The following SDK1 variants were observed in gnomAD, a reference collection of about 807,000 sequenced individuals.
SDK1 encodes protein sidekick-1.
SDK1 carries 157 observed loss-of-function variants against 245.5 expected under a neutral mutation model. The observed-to-expected ratio is 0.64, with a 90% CI of 0.56 to 0.73. SDK1 has a LOEUF of 0.73. SDK1 is among the 30% of genes least tolerant of loss of function. SDK1 has a pLI of 0.00. For missense variants in SDK1, 3,583 were observed against 3,002.3 expected (o/e 1.19, Z -4.52); for synonymous variants, 1,647 against 1,278.5 (o/e 1.29, Z -6.15).
intron 4 of SDK1, among the ~76,000 whole-genome samples, chr7:3,649,112 C>CA (rs1782932428): frequency 6.6e-6 from 1 of 152,100 alleles, no homozygotes; most frequent in African/African-American, 2.4e-5. Flanking sequence ...GTGTGCCCCT[C>CA]AGTGGGTGTG....
At position 4,221,358 on chromosome 7, in the gene SDK1, C is replaced by T; in HGVS notation, c.5821C>T (p.Pro1941Ser). The change falls in exon 40 of 45, where the codon CCC (proline) becomes TCC (serine). Residue 1941 changes from proline to serine, a missense_variant. Transcript: ENST00000404826. ...CACGGGCTATGTGATCGAGGCCCGGCCCTCAGGTAGGGTGGCAGGCCCCAC... is the reference window on the plus strand; with the variant it reads ...CACGGGCTATGTGATCGAGGCCCGGTCCTCAGGTAGGGTGGCAGGCCCCAC... The part of the protein sequence containing the change: ...PTTGYVIEAR[P>S]SDEGLWDMFV... 1 of 1,607,040 alleles carries T rather than the reference C, an allele frequency of 6.2e-7. No individual in the cohort carries two copies. The highest frequency in any genetic ancestry group is 8.5e-7 in the Non-Finnish European group (1 of 1,177,130).
At chr7:4,145,644 C>A (rs1226191958) in intron 28 of SDK1, 78 bp from the exon 29 acceptor site, 1 of 1,318,806 alleles carries the variant, frequency 7.6e-7, no homozygotes, top group Non-Finnish European at 1.1e-6. Flanking sequence ...CAGGGGTCAG[C>A]ACAGGGTGTG....
At chr7:3,686,577 T>C (rs1009163759) in intron 4 of SDK1, among the ~76,000 whole-genome samples, 1 of 152,130 alleles carries the variant, frequency 6.6e-6, no homozygotes, top group Non-Finnish European at 1.5e-5. Flanking sequence ...AATTTGGCAG[T>C]TTTTCATAAA....
At chr7:3,346,829 T>A (rs200192550) in intron 1 of SDK1, among the ~76,000 whole-genome samples, 590 of 71,504 alleles carry the variant, frequency 8.3e-3, no homozygotes, top group African/African-American at 0.013. Context: ...ATATATATAT[T>A]TTTTTTTTTT....
intron 1 of SDK1, among the ~76,000 whole-genome samples, chr7:3,359,684 G>A (rs545183715): frequency 1.3e-5 from 2 of 152,242 alleles, no homozygotes; most frequent in South Asian, 2.1e-4. Flanking sequence ...CGGGTGGCGC[G>A]CTGTGAGGAT....
chr7:3,900,399 T>C (rs1781746582), intron 5 of SDK1, among the ~76,000 whole-genome samples: 1 of 152,220 alleles, frequency 6.6e-6, no homozygotes, highest in African/African-American at 2.4e-5. Context: ...ATCTGGTTTT[T>C]CATCCCCAGG....
chr7:3,542,537 A>G (rs978999598), intron 1 of SDK1, among the ~76,000 whole-genome samples: 1 of 152,214 alleles, frequency 6.6e-6, no homozygotes, highest in African/African-American at 2.4e-5. Flanking sequence ...TGCCTGGCCT[A>G]TGGTAGGTTA....
chr7:3,898,226 G>C (rs1203187243), intron 5 of SDK1, among the ~76,000 whole-genome samples: 1 of 152,164 alleles, frequency 6.6e-6, no homozygotes, highest in Non-Finnish European at 1.5e-5. Flanking sequence ...AATCTGGAAA[G>C]TCTTCATTGT....
chr7:3,574,556 C>G (rs1056973037), intron 1 of SDK1, among the ~76,000 whole-genome samples: 3 of 152,056 alleles, frequency 2.0e-5, no homozygotes, highest in Admixed American at 6.6e-5. Context: ...CTCCTGGCCT[C>G]CCCACTATGC....
At chr7:3,560,579 G>T (rs1779716987) in intron 1 of SDK1, among the ~76,000 whole-genome samples, 1 of 152,120 alleles carries the variant, frequency 6.6e-6, no homozygotes, top group Non-Finnish European at 1.5e-5. Context: ...TGGGTTTTTA[G>T]CTGGCCTGTG....
intron 4 of SDK1, among the ~76,000 whole-genome samples, chr7:3,710,863 G>A (rs1218209400): frequency 6.6e-6 from 1 of 152,158 alleles, no homozygotes; most frequent in African/African-American, 2.4e-5. Flanking sequence ...TATATTGAAT[G>A]TTGCATCATT....
At chr7:3,533,920 C>G (rs1031927085) in intron 1 of SDK1, among the ~76,000 whole-genome samples, 3 of 149,308 alleles carry the variant, frequency 2.0e-5, no homozygotes, top group African/African-American at 7.5e-5. Flanking sequence ...AAACCCTTAA[C>G]ATGAGATCTA....
rs575815437 is a variant in SDK1 at position 3,615,692 on chromosome 7, C to T, written c.299-3388C>T. Among the ~76,000 whole-genome samples, 12 of 151,754 alleles carry T rather than the reference C, an allele frequency of 7.9e-5. 1 individual carries two copies. The highest frequency in any genetic ancestry group is 7.2e-4 in the Admixed American group (11 of 15,174). On this transcript the variant is annotated intron_variant, in intron 1 of 44. Transcript: ENST00000404826. Reference sequence around the variant, plus strand: ...CTTCTTGACATCTCCCTCTCCCTCACATCCATAACCAATCTATCACTGAAT... The same window carrying T: ...CTTCTTGACATCTCCCTCTCCCTCATATCCATAACCAATCTATCACTGAAT...
intron 4 of SDK1, among the ~76,000 whole-genome samples, chr7:3,766,244 G>A (rs1441997637): frequency 6.6e-6 from 1 of 152,180 alleles, no homozygotes; most frequent in Non-Finnish European, 1.5e-5. Context: ...AATAAGTAAA[G>A]TAGTTGTCCA....
At chr7:3,959,245 G>C (rs1196646922) in intron 8 of SDK1, among the ~76,000 whole-genome samples, 1 of 152,136 alleles carries the variant, frequency 6.6e-6, no homozygotes, top group East Asian at 1.9e-4. Context: ...ACCCAGCAGA[G>C]CAAAAAGGAA....
At chr7:4,238,526 G>A (rs922018519) in intron 42 of SDK1, among the ~76,000 whole-genome samples, 1 of 151,568 alleles carries the variant, frequency 6.6e-6, no homozygotes, top group Non-Finnish European at 1.5e-5. Context: ...TCACACCACT[G>A]TACTCCAGCC....
intron 5 of SDK1, among the ~76,000 whole-genome samples, chr7:3,913,454 C>T (rs1170605377): frequency 2.0e-5 from 3 of 152,196 alleles, no homozygotes; most frequent in Middle Eastern, 3.4e-3. Flanking sequence ...CCACAACGCC[C>T]AGCTAATTTT....
intron 1 of SDK1, among the ~76,000 whole-genome samples, chr7:3,398,151 CTG>C (rs899023617): frequency 4.6e-5 from 7 of 152,078 alleles, no homozygotes; most frequent in South Asian, 2.1e-4. Context: ...TTTTCTGTAA[CTG>C]TAGGTTTCAC....
intron 4 of SDK1, among the ~76,000 whole-genome samples, chr7:3,706,106 G>A (rs1181820716): frequency 6.6e-6 from 1 of 152,070 alleles, no homozygotes; most frequent in East Asian, 1.9e-4. Context: ...CTGCATTTCT[G>A]GAATGAAACC....
Sources: gnomAD v4.1 joint callset for allele counts (sites outside exome capture counted in the v4.1 genomes callset) on GRCh38, gnomAD v4.1.1 for gene constraint, MANE v1.5 for transcripts, NCBI Gene and HGNC (gene_info 2026-07-23, HGNC 2026-07-21) for gene names.